ZHX2: variants seen among roughly 807,000 people sequenced by gnomAD.
The protein encoded by ZHX2 is zinc fingers and homeoboxes 2, also known as zinc fingers and homeoboxes protein 2.
ZHX2 carries 6 observed loss-of-function variants against 21.9 expected under a neutral mutation model. The ratio of observed to expected loss-of-function variants is 0.27; its 90% CI spans 0.15 to 0.54. The LOEUF is 0.54. Among genes scored for constraint, ZHX2 ranks in the 20% least tolerant of loss-of-function variants. The pLI is 0.95. For synonymous variants in ZHX2, 434 were observed against 437.1 expected (o/e 0.99, Z 0.09); for missense variants, 908 against 1,090.7 (o/e 0.83, Z 2.36).
At chr8:122,901,137 C>A (rs1820219845) in intron 2 of ZHX2, among the ~76,000 whole-genome samples, 1 of 152,144 alleles carries the variant, frequency 6.6e-6, no homozygotes, top group African/African-American at 2.4e-5. Flanking sequence ...AAGAGTAATA[C>A]ACGTGGTATT....
intron 3 of ZHX2, among the ~76,000 whole-genome samples, chr8:122,967,319 G>A (rs189596072): frequency 1.3e-5 from 2 of 152,294 alleles, no homozygotes. Context: ...TGCTGTTCAG[G>A]TTCTTTTGTC....
chr8:122,843,959 TCACA>T (rs3221811), intron 1 of ZHX2, among the ~76,000 whole-genome samples: 44,472 of 148,700 alleles, frequency 0.3, 6,660 homozygotes, highest in African/African-American at 0.34. Context: ...TTCTCACCCT[TCACA>T]CACACACACA....
intron 1 of ZHX2, among the ~76,000 whole-genome samples, chr8:122,846,305 C>T (rs1436598345): frequency 6.6e-6 from 1 of 152,134 alleles, no homozygotes; most frequent in Admixed American, 6.5e-5. Flanking sequence ...GAGTCAGGTT[C>T]CCCAAACATG....
At chr8:122,925,309 G>A (rs1437356159) in intron 2 of ZHX2, among the ~76,000 whole-genome samples, 2 of 152,214 alleles carry the variant, frequency 1.3e-5, no homozygotes, top group Non-Finnish European at 2.9e-5. Flanking sequence ...AGGCAGCGTA[G>A]AGGAGGACGT....
chr8:122,828,813 C>T lies in ZHX2; in HGVS notation c.-282-34664C>T, dbSNP rs1014791769. Among the ~76,000 whole-genome samples the T allele has an allele frequency of 2.6e-5, 4 of 152,092 alleles. No homozygotes were observed. The highest frequency in any genetic ancestry group is 9.7e-5 in the African/African-American group (4 of 41,400). ...ATTGGGAATATAAATGAAGTACAAC[C>T]GGTTTGGGCTCTACCCAGGGTGTTG... On this transcript the variant is annotated intron_variant, in intron 1 of 3. Transcript: ENST00000314393. The surrounding 1 kb of genome is among the most constrained non-coding windows in gnomAD (Gnocchi z 5.2).
rs145165454 is a variant in ZHX2, at chr8:122,951,783, C to T, written c.273C>T (p.Asn91=). Residue 91 remains asparagine, a synonymous_variant, in exon 3 of 4, where the codon AAC becomes AAT. Transcript: ENST00000314393. The part of the protein sequence containing the change: ...KYCPYSTQNL[N]EFTEHVDMQH... ...GCCCCTACTCCACGCAAAACCTGAA[C>T]GAGTTCACGGAGCATGTCGACATGC... 1.3e-3 allele frequency: 2,032 copies of T among 1,614,082 alleles called. 19 individuals carry two copies. The South Asian group carries it at 0.013, about 10-fold the overall frequency.
intron 2 of ZHX2, among the ~76,000 whole-genome samples, chr8:122,872,009 C>T (rs1272282992): frequency 6.6e-6 from 1 of 152,174 alleles, no homozygotes; most frequent in Non-Finnish European, 1.5e-5. Context: ...TCATCCTACC[C>T]AACTGCACTA....
chr8:122,797,643 A>G (rs1817637794), intron 1 of ZHX2, among the ~76,000 whole-genome samples: 1 of 152,168 alleles, frequency 6.6e-6, no homozygotes, highest in South Asian at 2.1e-4. Flanking sequence ...CTTTGACGCT[A>G]AGGACCACGC....
intron 2 of ZHX2, among the ~76,000 whole-genome samples, chr8:122,869,528 G>A (rs1819381076): frequency 6.6e-6 from 1 of 152,154 alleles, no homozygotes; most frequent in Non-Finnish European, 1.5e-5. Flanking sequence ...CCGTGGGGCT[G>A]GAGAGAAGGC....
intron 2 of ZHX2, among the ~76,000 whole-genome samples, chr8:122,906,675 T>TC (rs1349988275): frequency 3.4e-5 from 5 of 147,336 alleles, no homozygotes; most frequent in Non-Finnish European, 7.5e-5. Context: ...CCTTTTTTTT[T>TC]TTTTTTTTTT....
At chr8:122,963,025 T>C (rs1038653176) in intron 3 of ZHX2, among the ~76,000 whole-genome samples, 2 of 152,240 alleles carry the variant, frequency 1.3e-5, no homozygotes, top group Non-Finnish European at 2.9e-5. Flanking sequence ...ATATTAGTCC[T>C]TTGTCAGATG....
At chr8:122,842,856 G>C (rs915940933) in intron 1 of ZHX2, among the ~76,000 whole-genome samples, 1 of 152,226 alleles carries the variant, frequency 6.6e-6, no homozygotes, top group African/African-American at 2.4e-5. Context: ...TGCGCTTTGG[G>C]GTTCTCAAAC....
intron 1 of ZHX2, among the ~76,000 whole-genome samples, chr8:122,847,309 C>T (rs1278952751): frequency 6.6e-6 from 1 of 152,182 alleles, no homozygotes; most frequent in Non-Finnish European, 1.5e-5. Flanking sequence ...GGGGGTTGAG[C>T]CCACTGTCCA....
chr8:122,852,401 A>C (rs1208992247), intron 1 of ZHX2, among the ~76,000 whole-genome samples: 1 of 152,122 alleles, frequency 6.6e-6, no homozygotes, highest in Non-Finnish European at 1.5e-5. Flanking sequence ...TAACTCATTT[A>C]ATTCCCCAAA....
rs1271173030 is a variant in ZHX2 at position 122,952,451 on chromosome 8, G to A, written c.941G>A (p.Arg314His). 3.1e-6 allele frequency: 5 copies of A among 1,614,170 alleles called. No individual in the cohort carries two copies. The highest frequency in any genetic ancestry group is 1.3e-5 in the African/African-American group (1 of 75,044). The change falls in exon 3 of 4, where the codon CGC (arginine) becomes CAC (histidine). Residue 314 changes from arginine (R) to histidine (H), a missense_variant. This residue lies in a region of ZHX2 where 232 missense variants were observed against 361.8 expected (regional missense o/e 0.64). Coordinates refer to ENST00000314393, the MANE Select transcript of ZHX2 (RefSeq NM_014943.5). The surrounding 1 kb of genome is among the most constrained non-coding windows in gnomAD (Gnocchi z 6.9). Reference protein sequence around the residue: ...EHIRIWFATQRLKHGISWSPE... With the variant: ...EHIRIWFATQHLKHGISWSPE... ...ATCAGAATCTGGTTTGCCACCCAGC[G>A]CTTAAAGCATGGCATCAGCTGGTCC...
chr8:122,824,178 C>T (rs181439430), intron 1 of ZHX2, among the ~76,000 whole-genome samples: 22 of 152,270 alleles, frequency 1.4e-4, no homozygotes, highest in African/African-American at 5.1e-4. Flanking sequence ...CTGTGGAAAC[C>T]TGCTCTTTCT....
intron 1 of ZHX2, among the ~76,000 whole-genome samples, chr8:122,800,526 A>G (rs761286272): frequency 5.3e-5 from 8 of 152,154 alleles, no homozygotes; most frequent in East Asian, 1.9e-4. Context: ...TGCTCAATAA[A>G]TATCTGTGGA....
At chr8:122,887,848 G>A (rs541688555) in intron 2 of ZHX2, among the ~76,000 whole-genome samples, 1 of 152,004 alleles carries the variant, frequency 6.6e-6, no homozygotes, top group South Asian at 2.1e-4. Flanking sequence ...CCATGTCTGA[G>A]TCTCTTCCTG....
chr8:122,872,278 G>A (rs1005324124), intron 2 of ZHX2, among the ~76,000 whole-genome samples: 31 of 152,228 alleles, frequency 2.0e-4, no homozygotes, highest in African/African-American at 6.3e-4. Context: ...GATCCAAAGC[G>A]GTAGCTCCAT....
Sources: gnomAD v4.1 joint callset for allele counts (sites outside exome capture counted in the v4.1 genomes callset) on GRCh38, gnomAD v4.1.1 for gene constraint, gnomAD v4.1.1 regional missense constraint, Gnocchi (gnomAD v3.1) non-coding constraint, MANE v1.5 for transcripts, NCBI Gene and HGNC (gene_info 2026-07-23, HGNC 2026-07-21) for gene names.